FANCC: variants seen among roughly 807,000 people sequenced by gnomAD.
FANCC encodes FA complementation group C, also known as Fanconi anemia group C protein.
A neutral mutation model predicts 71.3 loss-of-function variants in FANCC; 55 were observed. The ratio of observed to expected loss-of-function variants is 0.77; its 90% CI spans 0.62 to 0.97. The LOEUF (loss-of-function observed/expected upper bound fraction) is 0.97, where lower values mean the gene tolerates loss of function less well. FANCC is among the 50% of genes least tolerant of loss of function. FANCC has a pLI of 0.00. For missense variants in FANCC, 678 were observed against 670.9 expected (o/e 1.01, Z -0.12); for synonymous variants, 275 against 244.9 (o/e 1.12, Z -1.15).
At chr9:95,169,730 G>A (rs1362833373) in intron 6 of FANCC, among the ~76,000 whole-genome samples, 1 of 152,164 alleles carries the variant, frequency 6.6e-6, no homozygotes, top group Non-Finnish European at 1.5e-5. Flanking sequence ...TGGTTCTGTA[G>A]TTCTCACTAT....
chr9:95,235,991 G>A (rs1039768956), intron 4 of FANCC, among the ~76,000 whole-genome samples: 7 of 151,712 alleles, frequency 4.6e-5, no homozygotes, highest in African/African-American at 1.5e-4. Context: ...TATGTTTTGT[G>A]TAAGTCTGTT....
At chr9:95,272,027 C>CAA (rs1832764865) in intron 1 of FANCC, among the ~76,000 whole-genome samples, 1 of 147,490 alleles carries the variant, frequency 6.8e-6, no homozygotes, top group African/African-American at 2.5e-5. Context: ...AGCTCAACCT[C>CAA]CCGGGTTCAC....
At chr9:95,296,552 T>G (rs1834390021) in intron 1 of FANCC, among the ~76,000 whole-genome samples, 2 of 152,184 alleles carry the variant, frequency 1.3e-5, no homozygotes, top group Admixed American at 1.3e-4. Flanking sequence ...CAACAGGGTT[T>G]CAGTAAAGCA....
chr9:95,171,152 C>T lies in FANCC; in HGVS notation c.457-9G>A, dbSNP rs762529432. The T allele has an allele frequency of 1.2e-6, 2 of 1,610,224 alleles. No homozygotes were observed. The highest frequency in any genetic ancestry group is 2.2e-5 in the East Asian group (1 of 44,790). ...GCTAATGATAAAACCATCTGTAAAACAAAATCAGTTGCAGGTTAACTCACG... is the reference window on the plus strand; with the variant it reads ...GCTAATGATAAAACCATCTGTAAAATAAAATCAGTTGCAGGTTAACTCACG... On this transcript the variant is annotated splice_polypyrimidine_tract_variant and intron_variant, in intron 5 of 14. Transcript: ENST00000289081.
intron 8 of FANCC, among the ~76,000 whole-genome samples, chr9:95,133,518 G>C (rs1827216007): frequency 6.6e-6 from 1 of 152,186 alleles, no homozygotes; most frequent in Non-Finnish European, 1.5e-5. Flanking sequence ...ACAGTTATGT[G>C]CAATGGGACG....
intron 1 of FANCC, among the ~76,000 whole-genome samples, chr9:95,273,166 C>T (rs1024290028): frequency 6.6e-6 from 1 of 152,154 alleles, no homozygotes; most frequent in Non-Finnish European, 1.5e-5. Flanking sequence ...TCTTTAGCCT[C>T]GACGAGGGAA....
At chr9:95,232,082 C>T (rs527933966) in intron 4 of FANCC, among the ~76,000 whole-genome samples, 3 of 152,318 alleles carry the variant, frequency 2.0e-5, no homozygotes, top group Admixed American at 2.0e-4. Context: ...GGGGAGGCCT[C>T]AGGAAACTTA....
intron 1 of FANCC, chr9:95,292,425 T>TCCG (rs970914482): frequency 3.1e-4 from 343 of 1,106,194 alleles, no homozygotes; most frequent in Non-Finnish European, 3.6e-4. Context: ...GAGAGGAGCC[T>TCCG]CCGCCGCCGC....
At chr9:95,270,305 C>T (rs561658723) in intron 1 of FANCC, among the ~76,000 whole-genome samples, 1 of 152,278 alleles carries the variant, frequency 6.6e-6, no homozygotes, top group Non-Finnish European at 1.5e-5. Flanking sequence ...CCCGTCGCAG[C>T]GAGAGCACTT....
chr9:95,181,103 C>G (rs941317796), intron 4 of FANCC, among the ~76,000 whole-genome samples: 1 of 151,682 alleles, frequency 6.6e-6, no homozygotes, highest in Non-Finnish European at 1.5e-5. Flanking sequence ...CTTGAATGTA[C>G]CTAACCTTTC....
intron 7 of FANCC, among the ~76,000 whole-genome samples, chr9:95,139,006 G>C (rs964489496): frequency 1.3e-5 from 2 of 152,196 alleles, no homozygotes; most frequent in African/African-American, 4.8e-5. Context: ...TAAAACCTCA[G>C]TGACTTAACT....
At chr9:95,301,175 A>AACACACACACAC (rs146415585) in intron 1 of FANCC, among the ~76,000 whole-genome samples, 19 of 146,090 alleles carry the variant, frequency 1.3e-4, no homozygotes, top group South Asian at 6.7e-4. Context: ...TAACCATCAA[A>AACACACACACAC]ACACACACAC....
At chr9:95,115,033 T>G (rs899142027) in intron 11 of FANCC, among the ~76,000 whole-genome samples, 4 of 152,194 alleles carry the variant, frequency 2.6e-5, no homozygotes, top group African/African-American at 9.7e-5. Context: ...CCCAACCTCC[T>G]GGGCTCAAGC....
intron 4 of FANCC, among the ~76,000 whole-genome samples, chr9:95,223,388 T>C (rs561168795): frequency 4.7e-4 from 71 of 152,338 alleles, no homozygotes; most frequent in South Asian, 8.3e-4. Context: ...GCATTCTCCC[T>C]GTGTGCATGT....
At chr9:95,127,642 G>A (rs999053793) in intron 8 of FANCC, among the ~76,000 whole-genome samples, 7 of 152,212 alleles carry the variant, frequency 4.6e-5, no homozygotes, top group Non-Finnish European at 8.8e-5. Flanking sequence ...TGGATCAGGC[G>A]CTATTGGAAA....
intron 6 of FANCC, among the ~76,000 whole-genome samples, chr9:95,158,888 G>C (rs1368946152): frequency 6.6e-6 from 1 of 152,162 alleles, no homozygotes; most frequent in Non-Finnish European, 1.5e-5. Context: ...TATGAAGAAT[G>C]GTGACTCTCT....
intron 1 of FANCC, chr9:95,294,170 G>A: frequency 2.5e-6 from 4 of 1,604,004 alleles, no homozygotes; most frequent in Middle Eastern, 1.7e-4. Flanking sequence ...GATCATCATA[G>A]TCTTTTGTCT....
At chr9:95,198,078 C>T (rs1375909060) in intron 4 of FANCC, among the ~76,000 whole-genome samples, 1 of 152,124 alleles carries the variant, frequency 6.6e-6, no homozygotes, top group Admixed American at 6.5e-5. Context: ...AGAGTCTTGG[C>T]TCAGAGGTGT....
chr9:95,194,254 G>T (rs116386627), intron 4 of FANCC, among the ~76,000 whole-genome samples: 2 of 151,980 alleles, frequency 1.3e-5, no homozygotes, highest in African/African-American at 4.8e-5. Context: ...AGCTCTGCTG[G>T]TGACAAATTC....
Sources: allele counts gnomAD v4.1 joint callset (sites outside exome capture counted in the v4.1 genomes callset), GRCh38; gene constraint gnomAD v4.1.1; transcripts MANE v1.5; gene names NCBI Gene and HGNC (gene_info 2026-07-23, HGNC 2026-07-21).